Variants in PRKG1 observed in about 807,000 individuals in gnomAD.
PRKG1 encodes cGMP-dependent protein kinase 1.
Under a neutral mutation model 88.1 loss-of-function variants are expected in PRKG1, and 35 were observed. That is an observed-to-expected ratio of 0.40 (90% CI 0.30 to 0.53). PRKG1 has a LOEUF of 0.53. Ranked by LOEUF, PRKG1 falls within the 20% of genes least tolerant of loss-of-function variation. PRKG1 has a pLI of 0.59. For missense variants in PRKG1, 540 were observed against 839.8 expected (o/e 0.64, Z 4.41); for synonymous variants, 303 against 292.5 (o/e 1.04, Z -0.37).
intron 1 of PRKG1, among the ~76,000 whole-genome samples, chr10:51,027,786 A>G (rs1342497929): frequency 6.6e-6 from 1 of 152,276 alleles, no homozygotes; most frequent in East Asian, 1.9e-4. Context: ...GTGGAAAGTG[A>G]TTATTTATTA....
chr10:51,768,870 A>G (rs1174209669), intron 3 of PRKG1, among the ~76,000 whole-genome samples: 3 of 152,152 alleles, frequency 2.0e-5, no homozygotes, highest in Non-Finnish European at 4.4e-5. Flanking sequence ...AAAAATTATT[A>G]AGTCTCATAA....
intron 3 of PRKG1, chr10:51,696,216 T>G (rs971507361): frequency 2.0e-5 from 3 of 151,948 alleles, no homozygotes; most frequent in Admixed American, 6.6e-5. Context: ...GATAGAAAAG[T>G]AGATTATGAA....
chr10:51,295,433 T>C (rs982654497), intron 2 of PRKG1, among the ~76,000 whole-genome samples: 1 of 152,152 alleles, frequency 6.6e-6, no homozygotes, highest in African/African-American at 2.4e-5. Flanking sequence ...TTAGATAGTT[T>C]GTTGTTTGTG....
At chr10:52,122,920 T>C (rs558432297) in intron 7 of PRKG1, among the ~76,000 whole-genome samples, 1 of 152,316 alleles carries the variant, frequency 6.6e-6, no homozygotes, top group East Asian at 1.9e-4. Flanking sequence ...GTTCCACTGA[T>C]AACACAAAGG....
At chr10:51,927,759 C>T (rs1842610756) in intron 5 of PRKG1, among the ~76,000 whole-genome samples, 1 of 152,130 alleles carries the variant, frequency 6.6e-6, no homozygotes, top group Admixed American at 6.6e-5. Context: ...TGACACTTCC[C>T]TCTCTCCTTG....
At chr10:52,092,180 G>A (rs1406328431) in intron 7 of PRKG1, among the ~76,000 whole-genome samples, 1 of 152,132 alleles carries the variant, frequency 6.6e-6, no homozygotes, top group Non-Finnish European at 1.5e-5. Context: ...ACCTGTTAGG[G>A]AGGATGACTC....
chr10:52,074,807 C>T (rs1846590493), intron 7 of PRKG1, among the ~76,000 whole-genome samples: 1 of 152,172 alleles, frequency 6.6e-6, no homozygotes, highest in Non-Finnish European at 1.5e-5. Flanking sequence ...TTAAGGTCCT[C>T]TAAATTCTTG....
intron 3 of PRKG1, among the ~76,000 whole-genome samples, chr10:51,517,262 G>A (rs1841614580): frequency 6.6e-6 from 1 of 152,208 alleles, no homozygotes; most frequent in Non-Finnish European, 1.5e-5. Flanking sequence ...TTTGAACTAA[G>A]AGCAGTAAAC....
At chr10:51,739,389 T>C (rs1175312673) in intron 3 of PRKG1, among the ~76,000 whole-genome samples, 1 of 152,206 alleles carries the variant, frequency 6.6e-6, no homozygotes, top group Non-Finnish European at 1.5e-5. Flanking sequence ...CTAGGTTATA[T>C]ATTACCTTGC....
intron 3 of PRKG1, among the ~76,000 whole-genome samples, chr10:51,721,102 A>G (rs1418912449): frequency 1.3e-5 from 2 of 151,872 alleles, no homozygotes; most frequent in Non-Finnish European, 2.9e-5. Context: ...AGTCCCGGCT[A>G]ACTACAAGGC....
chr10:51,690,722 T>C (rs1040345204), intron 3 of PRKG1, among the ~76,000 whole-genome samples: 2 of 151,854 alleles, frequency 1.3e-5, no homozygotes, highest in African/African-American at 2.4e-5. Flanking sequence ...GGTCCAGAGA[T>C]CGAGGCCATC....
At chr10:51,878,809 C>T (rs1841366359) in intron 4 of PRKG1, among the ~76,000 whole-genome samples, 1 of 152,190 alleles carries the variant, frequency 6.6e-6, no homozygotes, top group Non-Finnish European at 1.5e-5. Context: ...AGCTGTCTCT[C>T]ATAATGAGTT....
intron 2 of PRKG1, among the ~76,000 whole-genome samples, chr10:51,284,410 T>C (rs191502636): frequency 2.0e-5 from 3 of 152,332 alleles, no homozygotes; most frequent in African/African-American, 7.2e-5. Context: ...AAACTAGTAC[T>C]TGACATGGCC....
chr10:51,595,513 G>C (rs116415536), intron 3 of PRKG1, among the ~76,000 whole-genome samples: 1 of 151,872 alleles, frequency 6.6e-6, no homozygotes, highest in South Asian at 2.1e-4. Flanking sequence ...GCCTGTAATA[G>C]TAGCTACTTG....
At chr10:51,466,341 A>C (rs1289860568) in intron 2 of PRKG1, among the ~76,000 whole-genome samples, 1 of 152,082 alleles carries the variant, frequency 6.6e-6, no homozygotes, top group Non-Finnish European at 1.5e-5. Flanking sequence ...AAGTCTTTTT[A>C]AACCTTTTGA....
intron 4 of PRKG1, among the ~76,000 whole-genome samples, chr10:51,899,419 C>T (rs954017284): frequency 6.6e-6 from 1 of 151,454 alleles, no homozygotes; most frequent in Non-Finnish European, 1.5e-5. Context: ...CATCTCAGCA[C>T]TTTGGAAGAC....
chr10:51,266,248 C>T (rs1839833368), intron 2 of PRKG1, among the ~76,000 whole-genome samples: 1 of 152,052 alleles, frequency 6.6e-6, no homozygotes, highest in Non-Finnish European at 1.5e-5. Flanking sequence ...CCATTAAAGG[C>T]TGGTGATCAA....
intron 2 of PRKG1, among the ~76,000 whole-genome samples, chr10:51,453,034 C>A (rs1029631455): frequency 6.6e-6 from 1 of 151,908 alleles, no homozygotes; most frequent in Admixed American, 6.6e-5. Context: ...TTGCATATTT[C>A]CAGGCATTTA....
At chr10:52,206,212 G>A (rs1286244751) in intron 9 of PRKG1, among the ~76,000 whole-genome samples, 2 of 151,930 alleles carry the variant, frequency 1.3e-5, no homozygotes, top group African/African-American at 4.8e-5. Context: ...GTTAATATTT[G>A]TTATCGCATT....
Sources: allele counts gnomAD v4.1 joint callset (sites outside exome capture counted in the v4.1 genomes callset), GRCh38; gene constraint gnomAD v4.1.1; transcripts MANE v1.5; gene names NCBI Gene and HGNC (gene_info 2026-07-23, HGNC 2026-07-21).